Variants in DOK6 observed in about 807,000 individuals in gnomAD.
DOK6 encodes docking protein 6, also known as downstream of tyrosine kinase 6.
Under a neutral mutation model 44.0 loss-of-function variants are expected in DOK6, and 22 were observed. The ratio of observed to expected loss-of-function variants is 0.50; its 90% CI spans 0.36 to 0.71. The LOEUF (loss-of-function observed/expected upper bound fraction) is 0.71. Ranked by LOEUF, DOK6 falls within the 30% of genes least tolerant of loss-of-function variation. The probability of loss-of-function intolerance (pLI) is 0.00; values close to 1 mark genes in which losing one functional copy is unlikely to be tolerated. For missense variants in DOK6, 340 were observed against 416.4 expected (o/e 0.82, Z 1.60); for synonymous variants, 166 against 145.5 (o/e 1.14, Z -1.01).
At chr18:69,556,079 A>G (rs1449323987) in intron 1 of DOK6, among the ~76,000 whole-genome samples, 1 of 152,204 alleles carries the variant, frequency 6.6e-6, no homozygotes, top group Non-Finnish European at 1.5e-5. Flanking sequence ...ATATTAATAT[A>G]GTTACATCAG....
chr18:69,748,403 C>A (rs1423144060), intron 6 of DOK6, among the ~76,000 whole-genome samples: 3 of 151,788 alleles, frequency 2.0e-5, no homozygotes, highest in Non-Finnish European at 4.4e-5. Flanking sequence ...TAAACCCACC[C>A]CCAAAACAAC....
intron 1 of DOK6, among the ~76,000 whole-genome samples, chr18:69,544,738 A>G (rs1982357037): frequency 6.6e-6 from 1 of 151,610 alleles, no homozygotes. Context: ...CGGTTTTTAT[A>G]TATTACTGAC....
intron 1 of DOK6, among the ~76,000 whole-genome samples, chr18:69,438,271 T>C (rs542824856): frequency 1.3e-5 from 2 of 152,354 alleles, no homozygotes; most frequent in East Asian, 3.9e-4. Flanking sequence ...ATAAATCCTT[T>C]GTTGTCATGC....
At chr18:69,708,430 A>T (rs551984499) in intron 5 of DOK6, among the ~76,000 whole-genome samples, 1 of 152,272 alleles carries the variant, frequency 6.6e-6, no homozygotes, top group South Asian at 2.1e-4. Context: ...CATCTGTGAG[A>T]ACCTGATAAA....
At chr18:69,687,255 C>T (rs2144693280) in intron 4 of DOK6, among the ~76,000 whole-genome samples, 1 of 152,246 alleles carries the variant, frequency 6.6e-6, no homozygotes, top group African/African-American at 2.4e-5. Context: ...TGCAAAGAAT[C>T]CCAGAAATCC....
chr18:69,779,462 A>G (rs904951362), intron 7 of DOK6, among the ~76,000 whole-genome samples: 1 of 151,538 alleles, frequency 6.6e-6, no homozygotes, highest in African/African-American at 2.4e-5. Flanking sequence ...CTACACACAC[A>G]CACACACACA....
At chr18:69,633,984 A>G (rs530700123) in intron 3 of DOK6, among the ~76,000 whole-genome samples, 1 of 152,240 alleles carries the variant, frequency 6.6e-6, no homozygotes, top group South Asian at 2.1e-4. Flanking sequence ...ATAAGAAAAC[A>G]TAAATGAAAA....
intron 7 of DOK6, among the ~76,000 whole-genome samples, chr18:69,785,572 T>C (rs1198168091): frequency 6.6e-6 from 1 of 152,188 alleles, no homozygotes; most frequent in African/African-American, 2.4e-5. Context: ...GTACCAGTTA[T>C]TGGGAATCTT....
intron 7 of DOK6, among the ~76,000 whole-genome samples, chr18:69,806,865 G>A (rs1230523952): frequency 6.6e-6 from 1 of 151,958 alleles, no homozygotes; most frequent in Non-Finnish European, 1.5e-5. Flanking sequence ...AGTACATCAT[G>A]TATTCATATG....
At chr18:69,514,102 CTCTTGAAATTT>C (rs1981450098) in intron 1 of DOK6, among the ~76,000 whole-genome samples, 1 of 151,758 alleles carries the variant, frequency 6.6e-6, no homozygotes, top group Non-Finnish European at 1.5e-5. Context: ...TAGATTTTTT[CTCTTGAAATTT>C]TCTTGAAATT....
chr18:69,513,257 A>G (rs1981424332), intron 1 of DOK6, among the ~76,000 whole-genome samples: 1 of 152,248 alleles, frequency 6.6e-6, no homozygotes, highest in Non-Finnish European at 1.5e-5. Context: ...GCCATGTTTT[A>G]GAAACTATGC....
intron 1 of DOK6, among the ~76,000 whole-genome samples, chr18:69,486,011 T>G (rs1370899866): frequency 6.6e-6 from 1 of 151,960 alleles, no homozygotes; most frequent in Non-Finnish European, 1.5e-5. Flanking sequence ...TTACTCATTC[T>G]CTTTTGGTCT....
At chr18:69,511,214 C>T (rs1171792287) in intron 1 of DOK6, among the ~76,000 whole-genome samples, 3 of 152,134 alleles carry the variant, frequency 2.0e-5, no homozygotes, top group Non-Finnish European at 4.4e-5. Context: ...CCATCTTTCT[C>T]CCATATCATC....
intron 1 of DOK6, among the ~76,000 whole-genome samples, chr18:69,562,338 G>A (rs1211464563): frequency 6.6e-6 from 1 of 152,056 alleles, no homozygotes; most frequent in African/African-American, 2.4e-5. Flanking sequence ...AAGATAGATA[G>A]TTGTAGATAT....
chr18:69,719,022 G>T (rs1343132074), intron 5 of DOK6, among the ~76,000 whole-genome samples: 1 of 152,174 alleles, frequency 6.6e-6, no homozygotes, highest in African/African-American at 2.4e-5. Context: ...AGCTGAAATT[G>T]TTGGAAAAAA....
intron 1 of DOK6, among the ~76,000 whole-genome samples, chr18:69,455,932 C>A (rs12606543): frequency 6.7e-6 from 1 of 149,002 alleles, no homozygotes; most frequent in Non-Finnish European, 1.5e-5. Flanking sequence ...AATGCCAATT[C>A]TCTAAAGAGA....
chr18:69,727,449 C>CTTTAGTGGCTCT, intron 5 of DOK6, among the ~76,000 whole-genome samples: 1 of 152,180 alleles, frequency 6.6e-6, no homozygotes, highest in South Asian at 2.1e-4. Flanking sequence ...AAAAGAGCCT[C>CTTTAGTGGCTCT]TTTAGTGATA....
intron 3 of DOK6, among the ~76,000 whole-genome samples, chr18:69,605,975 T>C (rs1983985154): frequency 6.6e-6 from 1 of 152,138 alleles, no homozygotes; most frequent in African/African-American, 2.4e-5. Context: ...TGATTGTCTA[T>C]ATTTAAAAAA....
chr18:69,672,926 AT>A (rs1314122805), intron 3 of DOK6, among the ~76,000 whole-genome samples: 1 of 151,346 alleles, frequency 6.6e-6, no homozygotes, highest in East Asian at 1.9e-4. Flanking sequence ...CAAAGCATGT[AT>A]TTAAGACGTT....
Sources: allele counts gnomAD v4.1 joint callset (sites outside exome capture counted in the v4.1 genomes callset), GRCh38; gene constraint gnomAD v4.1.1; transcripts MANE v1.5; gene names NCBI Gene and HGNC (gene_info 2026-07-23, HGNC 2026-07-21).